PHLPP1: variants seen among roughly 807,000 people sequenced by gnomAD.
The protein encoded by PHLPP1 is PH domain leucine-rich repeat-containing protein phosphatase 1.
A neutral mutation model predicts 117.2 loss-of-function variants in PHLPP1; 42 were observed. That is an observed-to-expected ratio of 0.36 (90% CI 0.28 to 0.46). PHLPP1 has a LOEUF of 0.46. Among genes scored for constraint, PHLPP1 ranks in the 20% least tolerant of loss-of-function variants. PHLPP1 has a pLI of 1.00. For missense variants in PHLPP1, 2,084 were observed against 2,241.9 expected, an observed-to-expected ratio of 0.93 and a Z score of 1.42; for synonymous variants, 1,042 against 970.7, an observed-to-expected ratio of 1.07 and a Z score of -1.37.
At chr18:62,847,494 C>G (rs1368412856) in intron 3 of PHLPP1, among the ~76,000 whole-genome samples, 1 of 151,890 alleles carries the variant, frequency 6.6e-6, no homozygotes, top group Non-Finnish European at 1.5e-5. Context: ...CGGGTTTGAT[C>G]TGTATAATGT....
chr18:62,946,381 G>T (rs1175773040), intron 12 of PHLPP1, among the ~76,000 whole-genome samples: 1 of 152,008 alleles, frequency 6.6e-6, no homozygotes, highest in African/African-American at 2.4e-5. Flanking sequence ...TTCGCTCGCC[G>T]CAGCCTCCCG....
intron 1 of PHLPP1, among the ~76,000 whole-genome samples, chr18:62,745,321 C>T (rs1219620072): frequency 1.3e-5 from 2 of 152,112 alleles, no homozygotes; most frequent in Non-Finnish European, 2.9e-5. Flanking sequence ...AACACGTTAC[C>T]AGTTGCATGT....
intron 4 of PHLPP1, among the ~76,000 whole-genome samples, chr18:62,884,763 C>A (rs537658008): frequency 1.3e-5 from 2 of 152,220 alleles, no homozygotes; most frequent in Non-Finnish European, 2.9e-5. Context: ...ATACTGATTT[C>A]TCTCTATTAG....
intron 6 of PHLPP1, among the ~76,000 whole-genome samples, chr18:62,900,301 TAATAAATAAATAAATAAATA>T (rs142418645): frequency 0.55 from 80,032 of 144,554 alleles, 22,609 homozygotes; most frequent in Non-Finnish European, 0.62. Flanking sequence ...TGCCTTAAAA[TAATAAATAAATAAATAAATA>T]AATAAATAAA....
intron 1 of PHLPP1, among the ~76,000 whole-genome samples, chr18:62,729,216 A>G (rs534086783): frequency 3.3e-5 from 5 of 152,360 alleles, no homozygotes; most frequent in African/African-American, 9.6e-5. Context: ...AAATGACTGC[A>G]AGACACAAAT....
intron 1 of PHLPP1, among the ~76,000 whole-genome samples, chr18:62,733,137 A>G (rs1253732027): frequency 1.3e-5 from 2 of 152,230 alleles, no homozygotes; most frequent in African/African-American, 2.4e-5. Context: ...GTAAAGTGCT[A>G]TCAAAGAGAA....
intron 6 of PHLPP1, among the ~76,000 whole-genome samples, chr18:62,898,325 A>T (rs1916621016): frequency 6.6e-6 from 1 of 152,072 alleles, no homozygotes; most frequent in Non-Finnish European, 1.5e-5. Flanking sequence ...TTTTTTGCTG[A>T]TAGCAACACC....
rs1370683151 is a variant in PHLPP1, at chr18:62,941,847, C to T, written c.3090C>T (p.Pro1030=). The T allele has an allele frequency of 4.3e-6, 7 of 1,613,978 alleles. No individual in the cohort carries two copies. Among genetic ancestry groups the T allele is most frequent in the Non-Finnish European group, 5.9e-6 (7 of 1,179,830 alleles). ...TNNSLTDKCV[P]LLTGHPHLKI... is the part of the protein sequence containing the mutation. Reference sequence around the variant, plus strand: ...ACAGCCTCACAGACAAATGTGTGCCCTTGTTAACGGGACACCCCCATTTGA... The same window carrying T: ...ACAGCCTCACAGACAAATGTGTGCCTTTGTTAACGGGACACCCCCATTTGA... The change falls in exon 11 of 17, where the codon CCC becomes CCT. Residue 1030 remains proline (P), a synonymous_variant. Transcript: ENST00000262719.
intron 4 of PHLPP1, among the ~76,000 whole-genome samples, chr18:62,885,303 C>T (rs1916258331): frequency 6.6e-6 from 1 of 152,146 alleles, no homozygotes; most frequent in South Asian, 2.1e-4. Flanking sequence ...AGCATTGACT[C>T]CCAACTAGTT....
chr18:62,831,575 G>T (rs1372661731), intron 2 of PHLPP1, among the ~76,000 whole-genome samples: 1 of 152,166 alleles, frequency 6.6e-6, no homozygotes, highest in African/African-American at 2.4e-5. Context: ...CTGACCTCGT[G>T]ATTCACCCAC....
In PHLPP1 at chr18:62,963,359, T is replaced by C. The variant is rs747672112; in HGVS notation, c.3456-9T>C. On this transcript the variant is annotated splice_polypyrimidine_tract_variant and intron_variant, in intron 13 of 16. Coordinates refer to ENST00000262719, the MANE Select transcript of PHLPP1 (RefSeq NM_194449.4). ...ATGATTCCTGTTCCCTCCCTGTTTC[T>C]CTTGTTAGTAATATCCGCTGTTTCA... 5.6e-6 allele frequency: 9 copies of C among 1,596,648 alleles called. No homozygotes were observed. In the South Asian group the frequency reaches 1.0e-4, roughly 18 times the overall value.
chr18:62,778,597 C>A (rs1306645647), intron 1 of PHLPP1, among the ~76,000 whole-genome samples: 1 of 152,128 alleles, frequency 6.6e-6, no homozygotes, highest in Admixed American at 6.5e-5. Context: ...AGAGACATAG[C>A]TATTTAAGTG....
intron 12 of PHLPP1, among the ~76,000 whole-genome samples, chr18:62,957,433 G>A (rs755274780): frequency 4.6e-5 from 7 of 151,588 alleles, no homozygotes; most frequent in Non-Finnish European, 8.8e-5. Flanking sequence ...TTGAGGGTAG[G>A]ATCCATACTT....
intron 1 of PHLPP1, among the ~76,000 whole-genome samples, chr18:62,786,933 A>C (rs552330651): frequency 6.6e-5 from 10 of 152,350 alleles, no homozygotes; most frequent in South Asian, 6.2e-4. Context: ...AGGAGAATAT[A>C]AAATGTTTAA....
chr18:62,966,853 A>G (rs999175287), intron 14 of PHLPP1, among the ~76,000 whole-genome samples: 4 of 152,172 alleles, frequency 2.6e-5, no homozygotes, highest in African/African-American at 7.2e-5. Context: ...ACCAAAATTT[A>G]CCCATGCCCA....
At chr18:62,852,872 T>G (rs1915393856) in intron 3 of PHLPP1, among the ~76,000 whole-genome samples, 1 of 151,872 alleles carries the variant, frequency 6.6e-6, no homozygotes, top group African/African-American at 2.4e-5. Context: ...CCAAGAAGAG[T>G]AATGGGAATG....
rs960391075 is a variant in PHLPP1 at position 62,715,832 on chromosome 18, G to A, written c.149G>A (p.Ser50Asn). The change falls in exon 1 of 17, where the codon AGT becomes AAT. Residue 50 changes from serine (S) to asparagine (N), a missense_variant. Ser to Asn is a conservative substitution (Grantham distance 46, BLOSUM62 1). Coordinates refer to ENST00000262719, the MANE Select transcript of PHLPP1 (RefSeq NM_194449.4). ...ALAAAAGGGR[S>N]PEPALTPAAP... is the part of the protein sequence containing the mutation. ...GCGGCGGCGGCCGGGGGCGGCCGGAGTCCGGAGCCCGCGCTGACCCCGGCG... is the reference window on the plus strand; with the variant it reads ...GCGGCGGCGGCCGGGGGCGGCCGGAATCCGGAGCCCGCGCTGACCCCGGCG... 3.0e-5 allele frequency: 23 copies of A among 758,546 alleles called. No individual in the cohort carries two copies. The highest frequency in any genetic ancestry group is 3.5e-5 in the Non-Finnish European group (22 of 621,888). The allele number at this position is 758,546 out of a possible 1,614,324, so 47.0% of individuals were successfully genotyped here. A position where few individuals can be genotyped will look rare whatever the true frequency, so the allele number is the denominator to read the frequency against.
chr18:62,813,361 C>T (rs892128814), intron 1 of PHLPP1, among the ~76,000 whole-genome samples: 7 of 152,062 alleles, frequency 4.6e-5, no homozygotes, highest in Admixed American at 1.3e-4. Context: ...TCCATGGAAT[C>T]GTGTAATGGA....
intron 1 of PHLPP1, among the ~76,000 whole-genome samples, chr18:62,800,549 A>C (rs993681745): frequency 1.3e-5 from 2 of 151,912 alleles, no homozygotes; most frequent in Non-Finnish European, 1.5e-5. Flanking sequence ...CATTATATGC[A>C]GTTAAAATTC....
Sources: gnomAD v4.1 joint callset for allele counts (sites outside exome capture counted in the v4.1 genomes callset) on GRCh38, gnomAD v4.1.1 for gene constraint, MANE v1.5 for transcripts, NCBI Gene and HGNC (gene_info 2026-07-23, HGNC 2026-07-21) for gene names.